Variants in DRC8 observed in about 807,000 individuals in gnomAD.
The protein encoded by DRC8 is dynein regulatory complex subunit 8.
At chr1:245,015,965 C>CTTTTTTTTT in the DRC8 span, among the ~76,000 whole-genome samples, 58 of 57,202 alleles carry the variant, frequency 1.0e-3, no homozygotes, top group Non-Finnish European at 1.4e-3. Context: ...GCCTACAGGG[C>CTTTTTTTTT]TTTTTTTTTT....
the DRC8 span, among the ~76,000 whole-genome samples, chr1:245,047,525 C>T: frequency 6.7e-6 from 1 of 149,740 alleles, no homozygotes; most frequent in African/African-American, 2.4e-5. Context: ...ATTCCAGCTA[C>T]TTAGGAGGCT....
the DRC8 span, among the ~76,000 whole-genome samples, chr1:245,057,383 A>G: frequency 6.6e-6 from 1 of 152,232 alleles, no homozygotes; most frequent in African/African-American, 2.4e-5. Flanking sequence ...TTAACAACGT[A>G]TCTTATTTAA....
chr1:245,087,337 A>C, the DRC8 span: 1 of 1,591,648 alleles, frequency 6.3e-7, no homozygotes. Context: ...CTATATAACA[A>C]TGATGGTGAT....
chr1:244,996,288 TG>T, the DRC8 span, among the ~76,000 whole-genome samples: 13 of 151,380 alleles, frequency 8.6e-5, no homozygotes, highest in African/African-American at 2.2e-4. Flanking sequence ...AAGAGGGGTG[TG>T]GGGGGGCCAA....
At chr1:245,033,685 GTTTTC>G in the DRC8 span, among the ~76,000 whole-genome samples, 1 of 151,856 alleles carries the variant, frequency 6.6e-6, no homozygotes, top group African/African-American at 2.4e-5. Context: ...ATTGTCTTTT[GTTTTC>G]TTTTCTTTTC....
chr1:245,068,805 C>A, the DRC8 span, among the ~76,000 whole-genome samples: 1 of 151,954 alleles, frequency 6.6e-6, no homozygotes, highest in South Asian at 2.1e-4. Context: ...TTGCTTTTTT[C>A]CACCTAATTA....
chr1:244,994,999 G>A, the DRC8 span, among the ~76,000 whole-genome samples: 1 of 152,116 alleles, frequency 6.6e-6, no homozygotes, highest in South Asian at 2.1e-4. Context: ...CTGGCTCCTT[G>A]TTGTTTAACA....
At chr1:245,032,803 G>T in the DRC8 span, among the ~76,000 whole-genome samples, 1 of 152,092 alleles carries the variant, frequency 6.6e-6, no homozygotes, top group East Asian at 1.9e-4. Context: ...GGATTTCATT[G>T]TGTAAGCAAT....
At chr1:245,047,685 G>A in the DRC8 span, among the ~76,000 whole-genome samples, 2 of 150,650 alleles carry the variant, frequency 1.3e-5, no homozygotes, top group Admixed American at 6.6e-5. Flanking sequence ...AATCATAAGG[G>A]GCTGGTGCAG....
chr1:245,053,109 A>G, the DRC8 span, among the ~76,000 whole-genome samples: 4 of 152,210 alleles, frequency 2.6e-5, no homozygotes, highest in Non-Finnish European at 5.9e-5. Context: ...TATATTGTAC[A>G]GTAAGTCTTC....
chr1:244,976,526 TA>T, the DRC8 span, among the ~76,000 whole-genome samples: 2 of 152,186 alleles, frequency 1.3e-5, no homozygotes, highest in Admixed American at 6.6e-5. Flanking sequence ...CTCTGATATA[TA>T]AAATTTACAG....
chr1:245,034,282 A>C, the DRC8 span, among the ~76,000 whole-genome samples: 1 of 152,222 alleles, frequency 6.6e-6, no homozygotes, highest in Admixed American at 6.5e-5. Flanking sequence ...TAAGAAAATA[A>C]CAATAATGGA....
the DRC8 span, among the ~76,000 whole-genome samples, chr1:244,990,548 C>T: frequency 6.6e-6 from 1 of 152,132 alleles, no homozygotes; most frequent in African/African-American, 2.4e-5. Context: ...GCCAGTACTA[C>T]TTTATTCATT....
At chr1:245,054,219 A>C in the DRC8 span, among the ~76,000 whole-genome samples, 1 of 151,888 alleles carries the variant, frequency 6.6e-6, no homozygotes, top group Non-Finnish European at 1.5e-5. Flanking sequence ...CTGGAGTGCC[A>C]AGTCAGTGTC....
chr1:245,102,895 C>T, the DRC8 span, among the ~76,000 whole-genome samples: 1 of 140,010 alleles, frequency 7.1e-6, no homozygotes, highest in African/African-American at 2.9e-5. Flanking sequence ...GTGAGGCTGA[C>T]GAGGATGAGA....
the DRC8 span, chr1:244,970,423 C>T: frequency 2.6e-6 from 4 of 1,537,634 alleles, no homozygotes; most frequent in South Asian, 2.4e-5. Flanking sequence ...AGCAAGATGG[C>T]GGACGAGAAG....
the DRC8 span, among the ~76,000 whole-genome samples, chr1:245,079,848 G>T: frequency 6.6e-6 from 1 of 152,152 alleles, no homozygotes; most frequent in Non-Finnish European, 1.5e-5. Context: ...GTATTTGCCC[G>T]GGGCTCCTGA....
At chr1:244,991,518 T>A in the DRC8 span, among the ~76,000 whole-genome samples, 3 of 152,268 alleles carry the variant, frequency 2.0e-5, no homozygotes, top group South Asian at 6.2e-4. Context: ...GGCAGATAAT[T>A]TCTATTTTGT....
At chr1:245,018,226 C>CAAAA in the DRC8 span, among the ~76,000 whole-genome samples, 103 of 62,626 alleles carry the variant, frequency 1.6e-3, 3 homozygotes, top group African/African-American at 4.6e-3. Context: ...GACTCTGTCT[C>CAAAA]AAAAAAAAAA....
Sources: allele counts gnomAD v4.1 joint callset (sites outside exome capture counted in the v4.1 genomes callset), GRCh38; gene constraint gnomAD v4.1.1; transcripts MANE v1.5; gene names NCBI Gene and HGNC (gene_info 2026-07-23, HGNC 2026-07-21).